Variants in MGMT observed in about 807,000 individuals in gnomAD.
The protein encoded by MGMT is O-6-methylguanine-DNA methyltransferase, also known as methylated-DNA--protein-cysteine methyltransferase.
In MGMT, 14 loss-of-function variants were observed where a neutral mutation model predicts 15.9. That is an observed-to-expected ratio of 0.88 (90% CI 0.58 to 1.37). MGMT has a LOEUF of 1.37. Among genes scored for constraint, MGMT ranks in the 40% most tolerant of loss-of-function variants. The pLI, the probability that MGMT is intolerant of heterozygous loss-of-function variation, is 0.00. For missense variants in MGMT, 282 were observed against 268.1 expected, an observed-to-expected ratio of 1.05 and a Z score of -0.36; for synonymous variants, 130 against 118.2, an observed-to-expected ratio of 1.10 and a Z score of -0.65.
intron 2 of MGMT, among the ~76,000 whole-genome samples, chr10:129,696,791 A>G (rs1848037824): frequency 6.6e-6 from 1 of 152,176 alleles, no homozygotes; most frequent in Non-Finnish European, 1.5e-5. Flanking sequence ...GCTCACTGGA[A>G]CAGCCCTCCT....
rs548961252 is a variant in MGMT, at chr10:129,767,216, A to G, written c.*219A>G. On this transcript the variant is annotated 3_prime_UTR_variant, in exon 5 of 5. Transcript: ENST00000651593. ...TAACGCTGCCCTTGCTCTATTTTTCATGTCCATTAAAACAGGCCAAGTGAG... is the reference window on the plus strand; with the variant it reads ...TAACGCTGCCCTTGCTCTATTTTTCGTGTCCATTAAAACAGGCCAAGTGAG... 4.5e-4 allele frequency: 208 copies of G among 466,764 alleles called. 3 individuals carry two copies. In the East Asian group the frequency reaches 7.9e-3, roughly 18 times the overall value. 28.9% of individuals were successfully genotyped at this position (466,764 alleles called of 1,614,324 possible). A position where few individuals can be genotyped will look rare whatever the true frequency, so the allele number is the denominator to read the frequency against.
At chr10:129,578,361 T>G (rs1468566543) in intron 2 of MGMT, among the ~76,000 whole-genome samples, 1 of 152,084 alleles carries the variant, frequency 6.6e-6, no homozygotes, top group African/African-American at 2.4e-5. Flanking sequence ...CCATAAAAAA[T>G]GATGAGTTCA....
At chr10:129,693,700 C>G (rs1217163891) in intron 2 of MGMT, 5 of 152,142 alleles carry the variant, frequency 3.3e-5, no homozygotes, top group African/African-American at 1.2e-4. Context: ...GTCGGGAGTT[C>G]GAGACCAGAC....
intron 2 of MGMT, among the ~76,000 whole-genome samples, chr10:129,706,685 C>T (rs1306921960): frequency 5.9e-5 from 9 of 152,256 alleles, no homozygotes; most frequent in South Asian, 2.1e-4. Context: ...GGGCTTCCCA[C>T]GGGGGTCCAC....
intron 1 of MGMT, among the ~76,000 whole-genome samples, chr10:129,500,672 C>G (rs1845566048): frequency 6.6e-6 from 1 of 152,148 alleles, no homozygotes; most frequent in South Asian, 2.1e-4. Context: ...ACCTCAGCCT[C>G]CTGAGTATCT....
Position 129,471,782 on chromosome 10 carries a change from T to A in MGMT, c.-13+4486T>A, listed in dbSNP as rs1385731749. Among the ~76,000 whole-genome samples, 5 of 152,162 alleles carry A rather than the reference T, an allele frequency of 3.3e-5. No individual in the cohort carries two copies. In the East Asian group the frequency reaches 9.7e-4, roughly 30 times the overall value. On this transcript the variant is annotated intron_variant, in intron 1 of 4. Transcript: ENST00000651593. ...AGCACCTCTAGGGAAGGCCTTAGGA[T>A]CCTCTGGGAAGTAGCACTCTCCAGC...
intron 2 of MGMT, among the ~76,000 whole-genome samples, chr10:129,664,380 T>TCATCATCCCTCACAG (rs1847633904): frequency 6.6e-6 from 1 of 152,242 alleles, no homozygotes; most frequent in Non-Finnish European, 1.5e-5. Flanking sequence ...TGTTGATGTT[T>TCATCATCCCTCACAG]GGGAGAACCC....
At chr10:129,641,271 A>G (rs924861105) in intron 2 of MGMT, among the ~76,000 whole-genome samples, 1 of 152,218 alleles carries the variant, frequency 6.6e-6, no homozygotes, top group African/African-American at 2.4e-5. Context: ...TGCAGGATAT[A>G]TATACTGAAA....
intron 3 of MGMT, among the ~76,000 whole-genome samples, chr10:129,750,591 G>A (rs551338430): frequency 1.3e-5 from 2 of 152,082 alleles, no homozygotes; most frequent in South Asian, 4.2e-4. Flanking sequence ...TATTTACATA[G>A]CATTTACATT....
chr10:129,526,218 C>G (rs1845869099), intron 1 of MGMT, among the ~76,000 whole-genome samples: 1 of 152,174 alleles, frequency 6.6e-6, no homozygotes, highest in Non-Finnish European at 1.5e-5. Context: ...TTGACACATG[C>G]TTTTCTTTTT....
In MGMT at chr10:129,538,419, G is replaced by A. The variant is rs780835892; in HGVS notation, c.125+2042G>A. 1.9e-4 allele frequency among the ~76,000 whole-genome samples: 29 copies of A among 152,184 alleles called. 1 individual carries two copies. The highest frequency in any genetic ancestry group is 4.1e-4 in the African/African-American group (17 of 41,440). On this transcript the variant is annotated intron_variant, in intron 2 of 4. Coordinates refer to ENST00000651593, the MANE Select transcript of MGMT (RefSeq NM_002412.5). Reference sequence around the variant, plus strand: ...AAATTGCCAAAACTTTCTTCAGAGCGGGATGGAATTTCCACTAGCAGTGTG... The same window carrying A: ...AAATTGCCAAAACTTTCTTCAGAGCAGGATGGAATTTCCACTAGCAGTGTG...
chr10:129,726,356 G>A (rs945829262), intron 3 of MGMT, among the ~76,000 whole-genome samples: 1 of 152,124 alleles, frequency 6.6e-6, no homozygotes, highest in Non-Finnish European at 1.5e-5. Context: ...TGGAGTCCAG[G>A]CGAGACTTGT....
At chr10:129,493,975 T>C (rs35644088) in intron 1 of MGMT, among the ~76,000 whole-genome samples, 15,674 of 152,248 alleles carry the variant, frequency 0.1, 988 homozygotes, top group Non-Finnish European at 0.13. Flanking sequence ...TAGCCATATA[T>C]TGAACTCTTT....
At chr10:129,735,484 A>G (rs959309513) in intron 3 of MGMT, among the ~76,000 whole-genome samples, 1 of 151,888 alleles carries the variant, frequency 6.6e-6, no homozygotes, top group African/African-American at 2.4e-5. Context: ...GCGGTCTATC[A>G]ATTTTGTTGA....
At chr10:129,751,620 T>C (rs1375939595) in intron 3 of MGMT, among the ~76,000 whole-genome samples, 2 of 151,942 alleles carry the variant, frequency 1.3e-5, no homozygotes, top group Admixed American at 6.6e-5. Flanking sequence ...ATTGAGACCT[T>C]TCTTTTTTAA....
chr10:129,709,721 G>A (rs932595364), intron 3 of MGMT, among the ~76,000 whole-genome samples: 1 of 152,132 alleles, frequency 6.6e-6, no homozygotes, highest in Admixed American at 6.5e-5. Flanking sequence ...AAACATAGGG[G>A]CAAAAGTTCC....
chr10:129,713,366 C>A (rs1411513796), intron 3 of MGMT, among the ~76,000 whole-genome samples: 2 of 152,136 alleles, frequency 1.3e-5, no homozygotes, highest in Non-Finnish European at 2.9e-5. Context: ...ATTCTTTCAG[C>A]CTTAGGGCTG....
chr10:129,691,617 A>G (rs1422133483), intron 2 of MGMT, among the ~76,000 whole-genome samples: 1 of 152,146 alleles, frequency 6.6e-6, no homozygotes, highest in African/African-American at 2.4e-5. Context: ...GGGAGCACAA[A>G]GAAGCCAGGC....
At position 129,659,895 on chromosome 10, in the gene MGMT, G is replaced by A. The variant is rs961787982; in HGVS notation, c.126-48000G>A. Among the ~76,000 whole-genome samples the A allele has an allele frequency of 5.3e-5, 8 of 152,186 alleles. No individual in the cohort carries two copies. Among genetic ancestry groups the A allele is most frequent in the African/African-American group, 4.8e-5 (2 of 41,446 alleles). On this transcript the variant is annotated intron_variant, in intron 2 of 4. Transcript: ENST00000651593. This position sits in a 1 kb window ranked among gnomAD's most constrained non-coding sequence, Gnocchi z 4.1. Reference sequence around the variant, plus strand: ...GCGACAGGACGTAGGGTGGTCATCCGAATATCCCTGCCCCACTCCCCAGCT... The same window carrying A: ...GCGACAGGACGTAGGGTGGTCATCCAAATATCCCTGCCCCACTCCCCAGCT...
Sources: gnomAD v4.1 joint callset for allele counts (sites outside exome capture counted in the v4.1 genomes callset) on GRCh38, gnomAD v4.1.1 for gene constraint, Gnocchi (gnomAD v3.1) non-coding constraint, MANE v1.5 for transcripts, NCBI Gene and HGNC (gene_info 2026-07-23, HGNC 2026-07-21) for gene names.